SLC25A16: variants seen among roughly 807,000 people sequenced by gnomAD.
The protein encoded by SLC25A16 is mitochondrial coenzyme A transporter SLC25A16.
In SLC25A16, 39 loss-of-function variants were observed where a neutral mutation model predicts 41.5. The ratio of observed to expected loss-of-function variants is 0.94; its 90% CI spans 0.73 to 1.23. The LOEUF is 1.23. SLC25A16 is among the 50% of genes most tolerant of loss of function. The pLI, the probability that SLC25A16 is intolerant of heterozygous loss-of-function variation, is 0.00. For missense variants in SLC25A16, 421 were observed against 426.9 expected (o/e 0.99, Z 0.12); for synonymous variants, 146 against 147.8 (o/e 0.99, Z 0.09).
chr10:68,516,498 T>C (rs1358488055), intron 2 of SLC25A16, among the ~76,000 whole-genome samples: 2 of 152,188 alleles, frequency 1.3e-5, no homozygotes, highest in African/African-American at 2.4e-5. Flanking sequence ...TTAGGCTAAA[T>C]TGTGGGAGCT....
Position 68,483,287 on chromosome 10 carries a change from A to C in SLC25A16, c.*145T>G. 1 of 575,516 alleles carries C rather than the reference A, an allele frequency of 1.7e-6. No individual in the cohort carries two copies. The allele number at this position is 575,516 out of a possible 1,614,324, so 35.7% of individuals were successfully genotyped here. ...GTAAGCAGTTCTGATTTGTGACTAA[A>C]GAAAAAATAATCAAGTACTAAAATA... is the stretch of plus-strand genomic sequence containing the variant. On this transcript the variant is annotated 3_prime_UTR_variant, in exon 9 of 9. Coordinates refer to ENST00000609923, the MANE Select transcript of SLC25A16 (RefSeq NM_152707.4).
rs1258909396 is a variant in SLC25A16 at position 68,487,341 on chromosome 10, G to A, written c.774-129C>T. ...TCTTATTGTTCTGTCTAACCTAGGA[G>A]TCGGGATATAGGCATATGAATAAAA... On this transcript the variant is annotated intron_variant, in intron 7 of 8. Transcript: ENST00000609923. 4.4e-6 allele frequency: 3 copies of A among 674,254 alleles called. No individual in the cohort carries two copies. In the African/African-American group the frequency reaches 5.4e-5, roughly 12 times the overall value. The allele number at this position is 674,254 out of a possible 1,614,324, so 41.8% of individuals were successfully genotyped here.
chr10:68,527,209 C>T (rs1244683541), intron 1 of SLC25A16, 37 bp downstream of exon 1: 1 of 1,542,084 alleles, frequency 6.5e-7, no homozygotes, highest in East Asian at 2.5e-5. Context: ...GCCCCCGCCA[C>T]TCAGAGCGCG....
chr10:68,511,873 T>C (rs1337679921), intron 2 of SLC25A16, among the ~76,000 whole-genome samples: 1 of 151,850 alleles, frequency 6.6e-6, no homozygotes, highest in Non-Finnish European at 1.5e-5. Flanking sequence ...TTTTTTTTTT[T>C]TAAGATGGGT....
chr10:68,484,453 G>T (rs1296579451), intron 8 of SLC25A16, among the ~76,000 whole-genome samples: 1 of 144,668 alleles, frequency 6.9e-6, no homozygotes, highest in Non-Finnish European at 1.5e-5. Context: ...TAAGAGACAG[G>T]TTCTCACTCT....
At chr10:68,520,076 G>A (rs1035386247) in intron 1 of SLC25A16, among the ~76,000 whole-genome samples, 21 of 148,422 alleles carry the variant, frequency 1.4e-4, no homozygotes, top group Non-Finnish European at 2.7e-4. Flanking sequence ...CCAGCCTCCC[G>A]AGTAGGTGGG....
intron 4 of SLC25A16, chr10:68,500,078 G>A (rs1171928479): frequency 1.8e-5 from 4 of 225,776 alleles, no homozygotes; most frequent in Non-Finnish European, 2.7e-5. Flanking sequence ...GATTTAGTAT[G>A]TATTGGATTA....
intron 6 of SLC25A16, among the ~76,000 whole-genome samples, chr10:68,490,596 C>T (rs2052640319): frequency 2.6e-5 from 4 of 151,926 alleles, no homozygotes; most frequent in Admixed American, 2.6e-4. Context: ...TCCCCCTCGG[C>T]CTCCCAAACT....
chr10:68,496,847 G>A, intron 4 of SLC25A16: 2 of 244,642 alleles, frequency 8.2e-6, no homozygotes, highest in Non-Finnish European at 1.3e-5. Context: ...GTCTCGCTCT[G>A]TCACCCAGGC....
intron 4 of SLC25A16, among the ~76,000 whole-genome samples, chr10:68,501,180 G>A (rs2133539340): frequency 6.6e-6 from 1 of 150,930 alleles, no homozygotes; most frequent in Middle Eastern, 3.5e-3. Flanking sequence ...GAACCCAGGA[G>A]GTGGGGGTTG....
chr10:68,482,641 C>G lies in SLC25A16; in HGVS notation c.*791G>C, dbSNP rs907727710. On this transcript the variant is annotated 3_prime_UTR_variant, in exon 9 of 9. Transcript: ENST00000609923. ...TTTATTTCTGCCTCTGGGAAACACA[C>G]TGACATTTTAAAACACATGTAAGTC... 6.6e-6 allele frequency: 1 copy of G among 152,158 alleles called. No individual in the cohort carries two copies. Among genetic ancestry groups the G allele is most frequent in the Non-Finnish European group, 1.5e-5 (1 of 68,032 alleles). 9.4% of individuals were successfully genotyped at this position (152,158 alleles called of 1,614,324 possible). A position where few individuals can be genotyped will look rare whatever the true frequency, so the allele number is the denominator to read the frequency against.
At chr10:68,516,143 G>C (rs2053157629) in intron 2 of SLC25A16, among the ~76,000 whole-genome samples, 1 of 152,092 alleles carries the variant, frequency 6.6e-6, no homozygotes. Context: ...AATTTACTTA[G>C]CAAGGTCATT....
At chr10:68,492,583 T>C (rs1270513955) in intron 6 of SLC25A16, among the ~76,000 whole-genome samples, 1 of 151,796 alleles carries the variant, frequency 6.6e-6, no homozygotes, top group Non-Finnish European at 1.5e-5. Flanking sequence ...AGCCTGACCA[T>C]GGGCAGGAGA....
chr10:68,522,647 C>T (rs57172752), intron 1 of SLC25A16, among the ~76,000 whole-genome samples: 1 of 152,114 alleles, frequency 6.6e-6, no homozygotes, highest in South Asian at 2.1e-4. Flanking sequence ...AACCCCGTCT[C>T]TACTAAAAAT....
At position 68,526,122 on chromosome 10, in the gene SLC25A16, G is replaced by T. The variant is rs368932359; in HGVS notation, c.130+1124C>A. On this transcript the variant is annotated intron_variant, in intron 1 of 8. Transcript: ENST00000609923. ...GTGCTGAGGAGGATTAGTATAAGAG[G>T]AAGGCATGCCTCTTGCAGTTGAGAC... Among the ~76,000 whole-genome samples the T allele has an allele frequency of 7.7e-4, 117 of 151,976 alleles. 1 individual carries two copies. In the East Asian group the frequency reaches 0.021, roughly 27 times the overall value.
rs577528577 is a variant in SLC25A16, at chr10:68,493,851, TA to T, written c.422-282del. ...GTGTAAGGGAATCATGAGATTTTTT[TA>T]AAAAAAATTATTCTACTATTTATGT... On this transcript the variant is annotated intron_variant, in intron 4 of 8. Coordinates refer to ENST00000609923, the MANE Select transcript of SLC25A16 (RefSeq NM_152707.4). 3.9e-3 allele frequency among the ~76,000 whole-genome samples: 588 copies of T among 152,080 alleles called. 8 individuals carry two copies. The highest frequency in any genetic ancestry group is 0.014 in the African/African-American group (567 of 41,492).
chr10:68,527,439 C>T lies in SLC25A16; in HGVS notation c.-64G>A. On this transcript the variant is annotated 5_prime_UTR_variant, in exon 1 of 9. Coordinates refer to ENST00000609923, the MANE Select transcript of SLC25A16 (RefSeq NM_152707.4). ...TACAGAACACCGGACGGGACCATAG[C>T]CGGAACAGGCGGTGACAGGAGGCTG... The T allele has an allele frequency of 7.1e-7, 1 of 1,398,844 alleles. No individual in the cohort carries two copies. Among genetic ancestry groups the T allele is most frequent in the Non-Finnish European group, 9.2e-7 (1 of 1,082,216 alleles). 86.7% of individuals were successfully genotyped at this position (1,398,844 alleles called of 1,614,324 possible).
intron 8 of SLC25A16, among the ~76,000 whole-genome samples, chr10:68,485,254 T>C (rs1186752741): frequency 6.6e-6 from 1 of 151,966 alleles, no homozygotes; most frequent in African/African-American, 2.4e-5. Context: ...CACACCCAGC[T>C]AATTTTTTTG....
At chr10:68,525,781 TTC>T (rs1206825084) in intron 1 of SLC25A16, among the ~76,000 whole-genome samples, 1 of 152,194 alleles carries the variant, frequency 6.6e-6, no homozygotes, top group Non-Finnish European at 1.5e-5. Context: ...TGCCTTGAGA[TTC>T]TGTTAATCTA....
Sources: gnomAD v4.1 joint callset for allele counts (sites outside exome capture counted in the v4.1 genomes callset) on GRCh38, gnomAD v4.1.1 for gene constraint, MANE v1.5 for transcripts, NCBI Gene and HGNC (gene_info 2026-07-23, HGNC 2026-07-21) for gene names.